Variants in COL16A1 observed in about 807,000 individuals in gnomAD.
COL16A1 encodes the protein collagen type XVI alpha 1 chain.
A neutral mutation model predicts 266.3 loss-of-function variants in COL16A1; 189 were observed. The observed-to-expected ratio is 0.71, with a 90% CI of 0.63 to 0.80. The LOEUF (loss-of-function observed/expected upper bound fraction) is 0.80, where lower values mean the gene tolerates loss of function less well. Among genes scored for constraint, COL16A1 ranks in the 30% least tolerant of loss-of-function variants. COL16A1 has a pLI of 0.00. For missense variants in COL16A1, 1,928 were observed against 2,122.4 expected, an observed-to-expected ratio of 0.91 and a Z score of 1.80; for synonymous variants, 740 against 782.3, an observed-to-expected ratio of 0.95 and a Z score of 0.90.
intron 51 of COL16A1, 103 bp from the exon 52 acceptor site, chr1:31,667,731 G>C: frequency 8.6e-7 from 1 of 1,160,722 alleles, no homozygotes; most frequent in South Asian, 1.3e-5. Context: ...GACTGGCTCT[G>C]GGGGAATGGC....
Position 31,663,931 on chromosome 1 carries a change from A to T in COL16A1, c.3555+1241T>A, listed in dbSNP as rs1381541808. On this transcript the variant is annotated intron_variant, in intron 56 of 70. Coordinates refer to ENST00000373672, the MANE Select transcript of COL16A1 (RefSeq NM_001856.4). The surrounding 1 kb of genome is among the most constrained non-coding windows in gnomAD (Gnocchi z 4.9). ...GTGGCTGCCCTGGATCAGTGGCTGT[A>T]GGGTGGTCAAGGGAAGGAATCCCGC... 6.6e-6 allele frequency among the ~76,000 whole-genome samples: 1 copy of T among 152,124 alleles called. No homozygotes were observed. The highest frequency in any genetic ancestry group is 1.5e-5 in the Non-Finnish European group (1 of 68,024).
rs1394552089 is a variant in COL16A1 at position 31,683,182 on chromosome 1, G to A, written c.2469+12C>T. The A allele has an allele frequency of 1.4e-5, 22 of 1,614,116 alleles. No individual in the cohort carries two copies. The highest frequency in any genetic ancestry group is 2.2e-5 in the East Asian group (1 of 44,890). ...TACTGCAGGCCCAATACCCATGGAG[G>A]CAGAGGCTCACCTGGGCACCCTTCT... On this transcript the variant is annotated intron_variant, in intron 36 of 70. Coordinates refer to ENST00000373672, the MANE Select transcript of COL16A1 (RefSeq NM_001856.4).
Position 31,684,599 on chromosome 1 carries a change from G to T in COL16A1, c.2084C>A (p.Thr695Lys), listed in dbSNP as rs781184589. 6.2e-7 allele frequency: 1 copy of T among 1,613,790 alleles called. No homozygotes were observed. The highest frequency in any genetic ancestry group is 1.1e-5 in the South Asian group (1 of 91,072). ...TCCTGGCCGCCCTGTGGTGCCCGGC[G>T]TTCCAGGGTCTCCAGGATTCCCAGC... ...GDAGNPGDPG[T>K]PGTTGRPGLS... is the part of the protein sequence containing the mutation. The change falls in exon 31 of 71, where the codon ACG (threonine) becomes AAG (lysine). Residue 695 changes from threonine to lysine, a missense_variant. Physicochemically the swap from Thr to Lys is moderately conservative, Grantham distance 78. This residue lies in a region of COL16A1 where 1,552 missense variants were observed against 1,637.2 expected (regional missense o/e 0.95). Transcript: ENST00000373672.
intron 44 of COL16A1, among the ~76,000 whole-genome samples, chr1:31,673,839 A>G (rs919202921): frequency 3.3e-5 from 5 of 152,232 alleles, no homozygotes; most frequent in African/African-American, 7.2e-5. Flanking sequence ...CTGGGTCAGC[A>G]TGCCCCGGGG....
intron 26 of COL16A1, among the ~76,000 whole-genome samples, chr1:31,686,917 C>T (rs4568876): frequency 0.61 from 92,335 of 152,040 alleles, 28,468 homozygotes; most frequent in African/African-American, 0.69. Flanking sequence ...AAGATCCGCA[C>T]GGCTAAAGCA....
intron 12 of COL16A1, among the ~76,000 whole-genome samples, 170 bp downstream of exon 12, chr1:31,693,974 T>C (rs558793859): frequency 6.6e-6 from 1 of 152,330 alleles, no homozygotes; most frequent in African/African-American, 2.4e-5. Context: ...TTAGCATCTT[T>C]GCACACACAC....
At chr1:31,654,966 AGATTC>A in intron 67 of COL16A1, 108 bp from the exon 68 acceptor site, 1 of 702,678 alleles carries the variant, frequency 1.4e-6, no homozygotes, top group Non-Finnish European at 2.1e-6. Context: ...AGCCTCCCAC[AGATTC>A]TTTTTTTTTT....
intron 8 of COL16A1, 96 bp from the exon 9 acceptor site, chr1:31,696,237 T>C (rs1644493928): frequency 3.6e-6 from 4 of 1,117,546 alleles, no homozygotes; most frequent in Non-Finnish European, 5.4e-6. Context: ...GGGCCCCAGG[T>C]AATCCTTCAG....
Position 31,668,142 on chromosome 1 carries a change from C to T in COL16A1, c.3303+23G>A. On this transcript the variant is annotated intron_variant, in intron 51 of 70. Coordinates refer to ENST00000373672, the MANE Select transcript of COL16A1 (RefSeq NM_001856.4). This position sits in a 1 kb window ranked among gnomAD's most constrained non-coding sequence, Gnocchi z 5.8. Reference sequence around the variant, plus strand: ...ACCTCTGGTACCTGGCACCCACTCCCCAGCAAGGGTCCCCTTACTCACAGG... The same window carrying T: ...ACCTCTGGTACCTGGCACCCACTCCTCAGCAAGGGTCCCCTTACTCACAGG... 6.2e-7 allele frequency: 1 copy of T among 1,604,016 alleles called. No homozygotes were observed. Among genetic ancestry groups the T allele is most frequent in the Non-Finnish European group, 8.5e-7 (1 of 1,175,118 alleles).
chr1:31,664,390 G>A lies in COL16A1; in HGVS notation c.3555+782C>T, dbSNP rs1641951376. On this transcript the variant is annotated intron_variant, in intron 56 of 70. Coordinates refer to ENST00000373672, the MANE Select transcript of COL16A1 (RefSeq NM_001856.4). The surrounding 1 kb of genome is among the most constrained non-coding windows in gnomAD (Gnocchi z 5.5). ...CCTGCACAGTGAGACGTTCATGCGTGTGCTCTCAGGGGAAAGAGGCTCTCC... is the reference window on the plus strand; with the variant it reads ...CCTGCACAGTGAGACGTTCATGCGTATGCTCTCAGGGGAAAGAGGCTCTCC... Among the ~76,000 whole-genome samples, 1 of 152,128 alleles carries A rather than the reference G, an allele frequency of 6.6e-6. No homozygotes were observed. The highest frequency in any genetic ancestry group is 2.4e-5 in the African/African-American group (1 of 41,406).
In COL16A1 at chr1:31,688,702, A is replaced by G; in HGVS notation, c.1767+159T>C. ...CAGGGCAAGGAGCCTGGGGCAGCAC[A>G]GGGACGGAGGGAGGGACCAGGAGAC... is the stretch of plus-strand genomic sequence containing the variant. On this transcript the variant is annotated intron_variant, in intron 25 of 70. Transcript: ENST00000373672. This position sits in a 1 kb window ranked among gnomAD's most constrained non-coding sequence, Gnocchi z 4.9. 1 of 1,045,396 alleles carries G rather than the reference A, an allele frequency of 9.6e-7. No individual in the cohort carries two copies. Among genetic ancestry groups the G allele is most frequent in the Non-Finnish European group, 1.4e-6 (1 of 704,990 alleles). 64.8% of individuals were successfully genotyped at this position (1,045,396 alleles called of 1,614,324 possible).
At chr1:31,672,674 G>A in intron 45 of COL16A1, 37 bp from the exon 46 acceptor site, 1 of 1,606,606 alleles carries the variant, frequency 6.2e-7, no homozygotes, top group Non-Finnish European at 8.5e-7. Flanking sequence ...GTCTGATGAG[G>A]CAGCCAGGGA....
intron 42 of COL16A1, among the ~76,000 whole-genome samples, chr1:31,677,056 C>T (rs959955328): frequency 2.0e-5 from 3 of 151,800 alleles, no homozygotes; most frequent in Non-Finnish European, 4.4e-5. Flanking sequence ...GGGAAAATGC[C>T]TTGAACATGT....
At chr1:31,682,908 C>G in intron 37 of COL16A1, 26 bp downstream of exon 37, 1 of 1,613,490 alleles carries the variant, frequency 6.2e-7, no homozygotes, top group East Asian at 2.2e-5. Flanking sequence ...GCAACACCAC[C>G]AGCATGGAGC....
rs760435070 is a variant in COL16A1, at chr1:31,691,178, C to T, written c.1437+10G>A. On this transcript the variant is annotated intron_variant, in intron 20 of 70. Coordinates refer to ENST00000373672, the MANE Select transcript of COL16A1 (RefSeq NM_001856.4). ...GCTCCCCACGTGACCACACTCCCAC[C>T]TATGCTCACCTTGTCTCCCTTGGGG... 2.2e-5 allele frequency: 35 copies of T among 1,613,520 alleles called. No individual in the cohort carries two copies. The Middle Eastern group carries it at 1.3e-3, about 61-fold the overall frequency.
intron 11 of COL16A1, 91 bp downstream of exon 11, chr1:31,695,095 G>T: frequency 7.4e-7 from 1 of 1,356,698 alleles, no homozygotes; most frequent in Non-Finnish European, 1.0e-6. Context: ...AGACCCCCTT[G>T]TCCTCACCCA....
chr1:31,658,695 C>T (rs982191735), intron 63 of COL16A1, 118 bp from the exon 64 acceptor site: 3 of 1,093,276 alleles, frequency 2.7e-6, no homozygotes, highest in Non-Finnish European at 4.1e-6. Flanking sequence ...GTGGCACTGC[C>T]TGAACTTGCA....
Position 31,693,138 on chromosome 1 carries a change from C to A in COL16A1, c.1025G>T (p.Arg342Leu). The change falls in exon 13 of 71, where the codon CGG becomes CTG. Residue 342 changes from arginine to leucine, a missense_variant. By Grantham distance (102) the Arg-to-Leu change is moderately radical. Transcript: ENST00000373672. ...GGAGCCTGGTGGACCAGGCAGGCCC[C>A]GCTCACCTTTCCCTCCCTGAGAGTG... ...PSGPKGGKGE[R>L]GLPGPPGSKG... 1.2e-6 allele frequency: 2 copies of A among 1,610,730 alleles called. No homozygotes were observed. The highest frequency in any genetic ancestry group is 8.5e-7 in the Non-Finnish European group (1 of 1,177,104).
chr1:31,670,491 A>T lies in COL16A1; in HGVS notation c.3195+111T>A. 7.9e-7 allele frequency: 1 copy of T among 1,261,810 alleles called. No homozygotes were observed. Among genetic ancestry groups the T allele is most frequent in the Non-Finnish European group, 1.0e-6 (1 of 984,598 alleles). The allele number at this position is 1,261,810 out of a possible 1,614,324, so 78.2% of individuals were successfully genotyped here. On this transcript the variant is annotated intron_variant, in intron 49 of 70. Coordinates refer to ENST00000373672, the MANE Select transcript of COL16A1 (RefSeq NM_001856.4). This position sits in a 1 kb window ranked among gnomAD's most constrained non-coding sequence, Gnocchi z 4.5. The stretch of plus-strand genomic sequence containing the variant: ...CGTTAGCTACCGTGCCTGAAGGGGG[A>T]CAACAAACACGGAGGACGGAGGTGA...
Sources: gnomAD v4.1 joint callset for allele counts (sites outside exome capture counted in the v4.1 genomes callset) on GRCh38, gnomAD v4.1.1 for gene constraint, gnomAD v4.1.1 regional missense constraint, Gnocchi (gnomAD v3.1) non-coding constraint, MANE v1.5 for transcripts, NCBI Gene and HGNC (gene_info 2026-07-23, HGNC 2026-07-21) for gene names.